Variants in GPC1 observed in about 807,000 individuals in gnomAD.
GPC1 encodes glypican-1.
Under a neutral mutation model 51.5 loss-of-function variants are expected in GPC1, and 26 were observed. The observed-to-expected ratio is 0.50, with a 90% CI of 0.37 to 0.70. The LOEUF (loss-of-function observed/expected upper bound fraction) is 0.70. Among genes scored for constraint, GPC1 ranks in the 30% least tolerant of loss-of-function variants. GPC1 has a pLI of 0.00. For missense variants in GPC1, 775 were observed against 800.5 expected, an observed-to-expected ratio of 0.97 and a Z score of 0.38; for synonymous variants, 380 against 348.3, an observed-to-expected ratio of 1.09 and a Z score of -1.01.
At chr2:240,443,277 CAG>C (rs1229641995) in intron 1 of GPC1, among the ~76,000 whole-genome samples, 1 of 152,246 alleles carries the variant, frequency 6.6e-6, no homozygotes, top group Admixed American at 6.5e-5. Flanking sequence ...TCCCACTTGT[CAG>C]GGGGCAGAGC....
chr2:240,445,832 C>T (rs1275959719), intron 1 of GPC1, among the ~76,000 whole-genome samples: 5 of 152,212 alleles, frequency 3.3e-5, no homozygotes, highest in Non-Finnish European at 5.9e-5. Flanking sequence ...GCTTGGAAAA[C>T]GGCGTCCTCT....
rs1189284008 is a variant in GPC1 at position 240,462,364 on chromosome 2, T to C, written c.499T>C (p.Trp167Arg). The change falls in exon 3 of 9, where the codon TGG (tryptophan) becomes CGG (arginine). Residue 167 changes from tryptophan to arginine, a missense_variant. By Grantham distance (101) the Trp-to-Arg change is moderately radical. Coordinates refer to ENST00000264039, the MANE Select transcript of GPC1 (RefSeq NM_002081.3). Reference sequence around the variant, plus strand: ...CCTGGAGGAGACGCTGGCCGAGTTCTGGGCCCGCCTGCTCGAGCGCCTCTT... The same window carrying C: ...CCTGGAGGAGACGCTGGCCGAGTTCCGGGCCCGCCTGCTCGAGCGCCTCTT... Reference protein sequence around the residue: ...LHLEETLAEFWARLLERLFKQ... With the variant: ...LHLEETLAEFRARLLERLFKQ... The C allele has an allele frequency of 6.3e-7, 1 of 1,592,118 alleles. No individual in the cohort carries two copies. The highest frequency in any genetic ancestry group is 8.5e-7 in the Non-Finnish European group (1 of 1,170,168).
Position 240,465,075 on chromosome 2 carries a change from A to G in GPC1, c.1135-2A>G. The stretch of plus-strand genomic sequence containing the variant: ...CCCAGTGGCCTGACTGCTGCCCCAC[A>G]GGTCTCCGAAGCCAAGGCCCAGCTC... On this transcript the variant is annotated splice_acceptor_variant, in intron 6 of 8. Coordinates refer to ENST00000264039, the MANE Select transcript of GPC1 (RefSeq NM_002081.3). LOFTEE classifies it high-confidence loss of function. 1.2e-6 allele frequency: 2 copies of G among 1,602,366 alleles called. No individual in the cohort carries two copies. Among genetic ancestry groups the G allele is most frequent in the East Asian group, 2.3e-5 (1 of 44,394 alleles).
rs558308261 is a variant in GPC1, at chr2:240,456,243, G to A, written c.167-2787G>A. Reference sequence around the variant, plus strand: ...GAGCCCCTCAGAACCTGCAGGTGGGGGGAGCTCCCATATCTTACGGGTGTT... The same window carrying A: ...GAGCCCCTCAGAACCTGCAGGTGGGAGGAGCTCCCATATCTTACGGGTGTT... On this transcript the variant is annotated intron_variant, in intron 1 of 8. Coordinates refer to ENST00000264039, the MANE Select transcript of GPC1 (RefSeq NM_002081.3). Among the ~76,000 whole-genome samples the A allele has an allele frequency of 1.8e-4, 27 of 152,248 alleles. No individual in the cohort carries two copies. The South Asian group carries it at 5.4e-3, about 30-fold the overall frequency.
chr2:240,462,378 C>T lies in GPC1; in HGVS notation c.513C>T (p.Leu171=), dbSNP rs758327824. The change falls in exon 3 of 9, where the codon CTC becomes CTT. Residue 171 remains leucine, a synonymous_variant. Transcript: ENST00000264039. ...TGGCCGAGTTCTGGGCCCGCCTGCT[C>T]GAGCGCCTCTTCAAGCAGCTGCACC... ...ETLAEFWARL[L]ERLFKQLHPQ... The T allele has an allele frequency of 3.1e-6, 5 of 1,593,332 alleles. No homozygotes were observed. The highest frequency in any genetic ancestry group is 4.6e-5 in the East Asian group (2 of 43,578).
At chr2:240,449,313 G>GGCCCCC in intron 1 of GPC1, 1 of 141,046 alleles carries the variant, frequency 7.1e-6, no homozygotes, top group East Asian at 2.1e-4. Flanking sequence ...TCCGGCAGGC[G>GGCCCCC]CCCCCCCCCA....
Position 240,457,803 on chromosome 2 carries a change from G to A in GPC1, c.167-1227G>A, listed in dbSNP as rs567750214. 6.6e-5 allele frequency among the ~76,000 whole-genome samples: 10 copies of A among 152,294 alleles called. No homozygotes were observed. In the East Asian group the frequency reaches 1.7e-3, roughly 27 times the overall value. ...CCTCAGGAGGGCGTAAAAGAATGCA[G>A]GACCTGCTGCATTCCAGCCACCCTG... On this transcript the variant is annotated intron_variant, in intron 1 of 8. Coordinates refer to ENST00000264039, the MANE Select transcript of GPC1 (RefSeq NM_002081.3).
At chr2:240,451,089 G>A (rs1217778772) in intron 1 of GPC1, 2 of 470,384 alleles carry the variant, frequency 4.3e-6, no homozygotes, top group South Asian at 1.6e-5. Context: ...TTGGGTCGGA[G>A]GTGAGCGGCC....
chr2:240,446,387 A>G (rs2074050891), intron 1 of GPC1, among the ~76,000 whole-genome samples: 1 of 152,204 alleles, frequency 6.6e-6, no homozygotes, highest in Admixed American at 6.5e-5. Context: ...TAGCGCAGAG[A>G]CAGGGCACGT....
Position 240,463,362 on chromosome 2 carries a change from G to A in GPC1, c.733G>A (p.Glu245Lys). Residue 245 changes from glutamate to lysine, a missense_variant, in exon 4 of 9, where the codon GAG becomes AAG. Glu to Lys is a moderately conservative substitution (Grantham distance 56, BLOSUM62 1). Transcript: ENST00000264039. ...TGCTCCCCAGGTCCCCCTGGGCCCG[G>A]AGTGCTCGAGAGCTGTCATGAAGCT... The part of the protein sequence containing the change: ...RKVAQVPLGP[E>K]CSRAVMKLVY... The A allele has an allele frequency of 6.2e-7, 1 of 1,612,780 alleles. No individual in the cohort carries two copies. The highest frequency in any genetic ancestry group is 8.5e-7 in the Non-Finnish European group (1 of 1,179,860).
chr2:240,458,818 AC>A, intron 1 of GPC1: 4 of 559,052 alleles, frequency 7.2e-6, no homozygotes, highest in African/African-American at 1.9e-5. Flanking sequence ...CTCTTGTGTC[AC>A]GTGTGGGAAG....
chr2:240,456,319 G>T (rs552181140), intron 1 of GPC1, among the ~76,000 whole-genome samples: 1 of 152,114 alleles, frequency 6.6e-6, no homozygotes, highest in Non-Finnish European at 1.5e-5. Flanking sequence ...TCTGCGTGGT[G>T]GGGGCTGGGG....
intron 1 of GPC1, chr2:240,451,558 T>A: frequency 7.6e-6 from 2 of 264,016 alleles, no homozygotes; most frequent in African/African-American, 2.3e-5. Flanking sequence ...GGAGAAAGGC[T>A]GAGCCAGGCC....
intron 1 of GPC1, among the ~76,000 whole-genome samples, chr2:240,440,459 G>A (rs960197372): frequency 2.0e-5 from 3 of 152,194 alleles, no homozygotes; most frequent in Admixed American, 6.5e-5. Context: ...TGGAAGGCTC[G>A]TGCTTTTCCC....
At chr2:240,456,697 G>A (rs1370853017) in intron 1 of GPC1, 2 of 458,080 alleles carry the variant, frequency 4.4e-6, no homozygotes, top group African/African-American at 4.0e-5. Context: ...CGCCTCCTGA[G>A]TCTGCTCAGC....
chr2:240,437,427 C>G (rs1468097960), intron 1 of GPC1, among the ~76,000 whole-genome samples: 1 of 152,040 alleles, frequency 6.6e-6, no homozygotes, highest in African/African-American at 2.4e-5. Context: ...CGCAGACAGT[C>G]CCTTGGCGGA....
chr2:240,465,266 G>A, intron 7 of GPC1, 56 bp downstream of exon 7: 1 of 1,543,904 alleles, frequency 6.5e-7, no homozygotes, highest in Non-Finnish European at 8.8e-7. Flanking sequence ...CCATTGGGCT[G>A]TGCCTGGGCC....
chr2:240,452,647 G>A (rs1437261932), intron 1 of GPC1, among the ~76,000 whole-genome samples: 1 of 151,944 alleles, frequency 6.6e-6, no homozygotes, highest in Non-Finnish European at 1.5e-5. Flanking sequence ...GCCCGGCCTC[G>A]GCGGCGGGCA....
chr2:240,463,511 G>T lies in GPC1; in HGVS notation c.882G>T (p.Leu294=), dbSNP rs768871599. The part of the protein sequence containing the change: ...ADLDAEWRNL[L]DSMVLITDKF... ...TGGACGCCGAGTGGAGGAACCTCCT[G>T]GGTGAGCCCCCACCCGCGAGAGCGG... is the stretch of plus-strand genomic sequence containing the variant. Residue 294 remains leucine (L), a splice_region_variant and synonymous_variant, in exon 4 of 9, where the codon CTG becomes CTT. Transcript: ENST00000264039. 11 of 1,612,438 alleles carry T rather than the reference G, an allele frequency of 6.8e-6. No individual in the cohort carries two copies. Among genetic ancestry groups the T allele is most frequent in the Non-Finnish European group, 8.5e-6 (10 of 1,179,752 alleles).
Sources: gnomAD v4.1 joint callset for allele counts (sites outside exome capture counted in the v4.1 genomes callset) on GRCh38, gnomAD v4.1.1 for gene constraint, MANE v1.5 for transcripts, NCBI Gene and HGNC (gene_info 2026-07-23, HGNC 2026-07-21) for gene names.